ZNF558: variants seen among roughly 807,000 people sequenced by gnomAD.
The protein encoded by ZNF558 is zinc finger protein 558.
A neutral mutation model predicts 37.6 loss-of-function variants in ZNF558; 23 were observed. The observed-to-expected ratio is 0.61, with a 90% CI of 0.44 to 0.87. The LOEUF is 0.87. Among genes scored for constraint, ZNF558 ranks in the 40% least tolerant of loss-of-function variants. The probability of loss-of-function intolerance (pLI) is 0.00; values close to 1 mark genes in which losing one functional copy is unlikely to be tolerated. For missense variants in ZNF558, 429 were observed against 483.7 expected (o/e 0.89, Z 1.06); for synonymous variants, 189 against 174.4 (o/e 1.08, Z -0.66).
At chr19:8,821,805 G>A in intron 6 of ZNF558, 198 bp downstream of exon 6, 2 of 1,411,536 alleles carry the variant, frequency 1.4e-6, no homozygotes, top group Admixed American at 2.9e-5. Flanking sequence ...AGGGACCCTG[G>A]AGGGAGCTCT....
chr19:8,822,091 G>C lies in ZNF558; in HGVS notation c.32C>G (p.Ala11Gly), dbSNP rs373499654. Residue 11 changes from alanine (A) to glycine (G), a missense_variant and splice_region_variant, in exon 6 of 10, where the codon GCT becomes GGT. Ala to Gly is a moderately conservative substitution (Grantham distance 60). Coordinates refer to ENST00000601372, the MANE Select transcript of ZNF558 (RefSeq NM_144693.3). The surrounding 1 kb of genome is among the most constrained non-coding windows in gnomAD (Gnocchi z 4.4). Reference protein sequence around the residue: MAAVILPSTAAPSSLFPASQQ... With the variant: MAAVILPSTAGPSSLFPASQQ... ...AGAGGCTGGGAACAGGGAAGACGGA[G>C]CTGGAGGAGGAGAAATGAGTCCCAT... 6 of 1,613,920 alleles carry C rather than the reference G, an allele frequency of 3.7e-6. No individual in the cohort carries two copies. The highest frequency in any genetic ancestry group is 5.1e-6 in the Non-Finnish European group (6 of 1,179,960).
At position 8,807,496 on chromosome 19, in the gene ZNF558, G is replaced by C. The variant is rs1463549320; in HGVS notation, c.*3785C>G. ...GTCTCAGAAAACCCAACAAGATCAG[G>C]ATCTACCATGTCTCTGACCACATCA... On this transcript the variant is annotated 3_prime_UTR_variant, in exon 10 of 10. Coordinates refer to ENST00000601372, the MANE Select transcript of ZNF558 (RefSeq NM_144693.3). 6.6e-6 allele frequency: 1 copy of C among 152,134 alleles called. No individual in the cohort carries two copies. The highest frequency in any genetic ancestry group is 1.5e-5 in the Non-Finnish European group (1 of 68,044). 9.4% of individuals were successfully genotyped at this position (152,134 alleles called of 1,614,324 possible). A position where few individuals can be genotyped will look rare whatever the true frequency, so the allele number is the denominator to read the frequency against.
chr19:8,833,019 TG>T (rs1568481623), upstream of ZNF558: 1 of 113,390 alleles, frequency 8.8e-6, no homozygotes, highest in Non-Finnish European at 1.9e-5. Flanking sequence ...AGACCAGTTC[TG>T]GGGGCGGGAC....
Position 8,822,834 on chromosome 19 carries a change from G to A in ZNF558, c.-65-110C>T, listed in dbSNP as rs959730735. The A allele has an allele frequency of 1.0e-5, 10 of 973,274 alleles. No homozygotes were observed. The highest frequency in any genetic ancestry group is 5.2e-5 in the East Asian group (2 of 38,178). The allele number at this position is 973,274 out of a possible 1,614,324, so 60.3% of individuals were successfully genotyped here. A position where few individuals can be genotyped will look rare whatever the true frequency, so the allele number is the denominator to read the frequency against. ...CCATCCTTCTTCAAATGCAAGTTCCGGCTTCCACACTGGGCCTTTATTTTG... is the reference window on the plus strand; with the variant it reads ...CCATCCTTCTTCAAATGCAAGTTCCAGCTTCCACACTGGGCCTTTATTTTG... On this transcript the variant is annotated intron_variant, in intron 4 of 9. Coordinates refer to ENST00000601372, the MANE Select transcript of ZNF558 (RefSeq NM_144693.3). The surrounding 1 kb of genome is among the most constrained non-coding windows in gnomAD (Gnocchi z 4.4).
intron 1 of ZNF558, 69 bp downstream of exon 1, chr19:8,832,140 C>A (rs1005202926): frequency 6.6e-6 from 1 of 152,238 alleles, no homozygotes. Context: ...ACGCAGGGCC[C>A]GTGGCTGGCG....
At chr19:8,835,006 G>A (rs562987542), upstream of ZNF558, among the ~76,000 whole-genome samples, 18 of 151,066 alleles carry the variant, frequency 1.2e-4, 1 homozygote, top group East Asian at 1.9e-3. Context: ...AAAGGCTTGC[G>A]ACTCAGCAAT....
At chr19:8,816,977 T>A (rs2043955316) in intron 7 of ZNF558, among the ~76,000 whole-genome samples, 2 of 152,054 alleles carry the variant, frequency 1.3e-5, no homozygotes, top group African/African-American at 4.8e-5. Context: ...TAAATTAAAA[T>A]GCTTATTAAA....
Position 8,811,695 on chromosome 19 carries a change from T to C in ZNF558, c.795A>G (p.Glu265=), listed in dbSNP as rs371620362. ...TGAAAGCTTTTCCACACTGATTACATTCATGGTGATTCTCCCCCGTGTGAA... is the reference window on the plus strand; with the variant it reads ...TGAAAGCTTTTCCACACTGATTACACTCATGGTGATTCTCCCCCGTGTGAA... The part of the protein sequence containing the change: ...KRIHTGENHH[E]CNQCGKAFST... The change falls in exon 10 of 10, where the codon GAA becomes GAG. Residue 265 remains glutamate (E), a synonymous_variant. Coordinates refer to ENST00000601372, the MANE Select transcript of ZNF558 (RefSeq NM_144693.3). 2 of 1,614,020 alleles carry C rather than the reference T, an allele frequency of 1.2e-6. No individual in the cohort carries two copies. Among genetic ancestry groups the C allele is most frequent in the Non-Finnish European group, 1.7e-6 (2 of 1,180,044 alleles).
upstream of ZNF558, among the ~76,000 whole-genome samples, chr19:8,835,498 G>A (rs903900112): frequency 6.6e-6 from 1 of 152,062 alleles, no homozygotes; most frequent in African/African-American, 2.4e-5. Flanking sequence ...ACACCCATTG[G>A]GATAATTAAA....
At chr19:8,832,534 C>T (rs1318331788), upstream of ZNF558, 1 of 153,148 alleles carries the variant, frequency 6.5e-6, no homozygotes, top group African/African-American at 2.4e-5. Context: ...TAAGGTTGGC[C>T]CTGGGGGCGG....
rs1388115819 is a variant in ZNF558, at chr19:8,810,407, TCTCC to T, written c.*870_*873del. On this transcript the variant is annotated 3_prime_UTR_variant, in exon 10 of 10. Coordinates refer to ENST00000601372, the MANE Select transcript of ZNF558 (RefSeq NM_144693.3). ...AGCCTTCTGAGACCTTCACAGGTTT[TCTCC>T]CTTAGTGTGAGCTGTCACATGAATC... is the stretch of plus-strand genomic sequence containing the variant. 1.3e-5 allele frequency: 2 copies of T among 152,170 alleles called. No homozygotes were observed. Among genetic ancestry groups the T allele is most frequent in the African/African-American group, 4.8e-5 (2 of 41,436 alleles). The allele number at this position is 152,170 out of a possible 1,614,324, so 9.4% of individuals were successfully genotyped here. A position where few individuals can be genotyped will look rare whatever the true frequency, so the allele number is the denominator to read the frequency against.
In ZNF558 at chr19:8,811,701, G is replaced by A. The variant is rs374405382; in HGVS notation, c.789C>T (p.His263=). The change falls in exon 10 of 10, where the codon CAC becomes CAT. Residue 263 remains histidine (H), a synonymous_variant. Transcript: ENST00000601372. The part of the protein sequence containing the change: ...SHKRIHTGEN[H]HECNQCGKAF... The stretch of plus-strand genomic sequence containing the variant: ...CTTTTCCACACTGATTACATTCATG[G>A]TGATTCTCCCCCGTGTGAATCCTCT... 3.7e-5 allele frequency: 59 copies of A among 1,613,926 alleles called. No individual in the cohort carries two copies. In the African/African-American group the frequency reaches 6.9e-4, roughly 19 times the overall value.
At chr19:8,823,389 C>A in intron 4 of ZNF558, among the ~76,000 whole-genome samples, 1 of 132,134 alleles carries the variant, frequency 7.6e-6, no homozygotes, top group South Asian at 2.8e-4. Context: ...CCCTCTCCTG[C>A]CTCGGTCACC....
rs570716894 is a variant in ZNF558 at position 8,806,524 on chromosome 19, C to A, written c.*4757G>T. On this transcript the variant is annotated 3_prime_UTR_variant, in exon 10 of 10. Transcript: ENST00000601372. ...GACCATCCTGGCCAACATGGTGAAA[C>A]CCTGTCTCCACTAAAAATACAAAAA... 1.3e-5 allele frequency: 2 copies of A among 152,192 alleles called. No homozygotes were observed. The highest frequency in any genetic ancestry group is 1.3e-4 in the Admixed American group (2 of 15,286). 9.4% of individuals were successfully genotyped at this position (152,192 alleles called of 1,614,324 possible). A position where few individuals can be genotyped will look rare whatever the true frequency, so the allele number is the denominator to read the frequency against.
rs1462008865 is a variant in ZNF558, at chr19:8,832,304, C to T, written c.-688G>A. The T allele has an allele frequency of 6.6e-6, 1 of 152,252 alleles. No homozygotes were observed. Among genetic ancestry groups the T allele is most frequent in the East Asian group, 1.9e-4 (1 of 5,194 alleles). The allele number at this position is 152,252 out of a possible 1,614,324, so 9.4% of individuals were successfully genotyped here. A position where few individuals can be genotyped will look rare whatever the true frequency, so the allele number is the denominator to read the frequency against. On this transcript the variant is annotated 5_prime_UTR_variant, in exon 1 of 10. Coordinates refer to ENST00000601372, the MANE Select transcript of ZNF558 (RefSeq NM_144693.3). The stretch of plus-strand genomic sequence containing the variant: ...CCACGCGCGGCCCCTCCCACGGTAC[C>T]GCCCCGCGCTTCCGCTTCCGGTCTG...
chr19:8,823,108 C>T (rs1036382626), intron 4 of ZNF558, among the ~76,000 whole-genome samples: 1 of 152,004 alleles, frequency 6.6e-6, no homozygotes, highest in Non-Finnish European at 1.5e-5. Flanking sequence ...TCAGAGACCC[C>T]CAGAGTCTCA....
rs2044119755 is a variant in ZNF558, at chr19:8,822,518, G to A, written c.31+111C>T. The A allele has an allele frequency of 6.7e-7, 1 of 1,502,730 alleles. No individual in the cohort carries two copies. 93.1% of individuals were successfully genotyped at this position (1,502,730 alleles called of 1,614,324 possible). A position where few individuals can be genotyped will look rare whatever the true frequency, so the allele number is the denominator to read the frequency against. ...AGACACGGAGGACCTCTGGGCCCCT[G>A]GGGCTCCACTCCTGCCTCACCTGCT... On this transcript the variant is annotated intron_variant, in intron 5 of 9. Transcript: ENST00000601372. This position sits in a 1 kb window ranked among gnomAD's most constrained non-coding sequence, Gnocchi z 4.4.
rs782252623 is a variant in ZNF558, at chr19:8,811,712, C to T, written c.778G>A (p.Gly260Arg). 1.2e-6 allele frequency: 2 copies of T among 1,614,072 alleles called. No homozygotes were observed. Among genetic ancestry groups the T allele is most frequent in the African/African-American group, 1.3e-5 (1 of 75,018 alleles). The change falls in exon 10 of 10, where the codon GGG (glycine) becomes AGG (arginine). Residue 260 changes from glycine to arginine, a missense_variant. Coordinates refer to ENST00000601372, the MANE Select transcript of ZNF558 (RefSeq NM_144693.3). ...TGATTACATTCATGGTGATTCTCCC[C>T]CGTGTGAATCCTCTTGTGGCTTTTG... ...NLKSHKRIHT[G>R]ENHHECNQCG... is the part of the protein sequence containing the mutation.
At chr19:8,816,026 A>C (rs2043928636) in intron 7 of ZNF558, among the ~76,000 whole-genome samples, 1 of 149,776 alleles carries the variant, frequency 6.7e-6, no homozygotes, top group South Asian at 2.1e-4. Context: ...CAAGTAGAAT[A>C]AATTTGAAAA....
Sources: allele counts gnomAD v4.1 joint callset (sites outside exome capture counted in the v4.1 genomes callset), GRCh38; gene constraint gnomAD v4.1.1; non-coding constraint Gnocchi (gnomAD v3.1); transcripts MANE v1.5; gene names NCBI Gene and HGNC (gene_info 2026-07-23, HGNC 2026-07-21).